Variants in SEMA3A observed in about 807,000 individuals in gnomAD.
SEMA3A encodes the protein semaphorin-3A.
In SEMA3A, 29 loss-of-function variants were observed where a neutral mutation model predicts 97.9. That is an observed-to-expected ratio of 0.30 (90% confidence interval 0.22 to 0.40). The LOEUF (loss-of-function observed/expected upper bound fraction) is 0.40. Ranked by LOEUF, SEMA3A falls within the 10% of genes least tolerant of loss-of-function variation. The pLI, the probability that SEMA3A is intolerant of heterozygous loss-of-function variation, is 1.00. For synonymous variants in SEMA3A, 321 were observed against 323.7 expected (o/e 0.99, Z 0.09); for missense variants, 763 against 951.3 (o/e 0.80, Z 2.60).
At chr7:84,424,500 TAA>T (rs1156610688) in intron 1 of SEMA3A, among the ~76,000 whole-genome samples, 3 of 101,660 alleles carry the variant, frequency 3.0e-5, no homozygotes, top group African/African-American at 1.3e-4. Context: ...ATATAATATA[TAA>T]TATATAAATA....
intron 3 of SEMA3A, among the ~76,000 whole-genome samples, chr7:84,238,574 A>C (rs1799288837): frequency 6.6e-6 from 1 of 152,188 alleles, no homozygotes. Flanking sequence ...TAATTTTTAC[A>C]AGTAAATATA....
At position 84,062,835 on chromosome 7, in the gene SEMA3A, G is replaced by C. The variant is rs1382989090; in HGVS notation, c.454-2277C>G. Among the ~76,000 whole-genome samples the C allele has an allele frequency of 2.1e-5, 3 of 142,536 alleles. No individual in the cohort carries two copies. The East Asian group carries it at 6.4e-4, about 30-fold the overall frequency. 93.5% of individuals were successfully genotyped at this position (142,536 alleles called of 152,430 possible). A position where few individuals can be genotyped will look rare whatever the true frequency, so the allele number is the denominator to read the frequency against. On this transcript the variant is annotated intron_variant, in intron 4 of 16. Coordinates refer to ENST00000265362, the MANE Select transcript of SEMA3A (RefSeq NM_006080.3). ...GATCAAACTACAAGGCCGCAGCGAG[G>C]CGGGGGGAGGGGCGTCCGCCATTGC... is the stretch of plus-strand genomic sequence containing the variant.
At chr7:84,241,421 T>C (rs1799362374) in intron 3 of SEMA3A, among the ~76,000 whole-genome samples, 1 of 152,230 alleles carries the variant, frequency 6.6e-6, no homozygotes, top group Non-Finnish European at 1.5e-5. Context: ...AAGTGTCTGC[T>C]CATATCCTTG....
chr7:84,069,483 C>T lies in SEMA3A; in HGVS notation c.454-8925G>A, dbSNP rs191149067. Among the ~76,000 whole-genome samples, 506 of 152,130 alleles carry T rather than the reference C, an allele frequency of 3.3e-3. 4 individuals carry two copies. The highest frequency in any genetic ancestry group is 0.031 in the Middle Eastern group (9 of 294). On this transcript the variant is annotated intron_variant, in intron 4 of 16. Transcript: ENST00000265362. Reference sequence around the variant, plus strand: ...AATATCTTATGTCACAGTAGAAATGCCAGCCTATATTTTTATCAGGCAAAA... The same window carrying T: ...AATATCTTATGTCACAGTAGAAATGTCAGCCTATATTTTTATCAGGCAAAA...
chr7:84,362,931 G>C (rs1055621657), intron 2 of SEMA3A, among the ~76,000 whole-genome samples: 8 of 151,918 alleles, frequency 5.3e-5, no homozygotes, highest in Non-Finnish European at 1.0e-4. Flanking sequence ...ATTGATCCAA[G>C]TTTGGAAATA....
At chr7:84,279,625 G>C (rs543649415) in intron 3 of SEMA3A, among the ~76,000 whole-genome samples, 1 of 152,256 alleles carries the variant, frequency 6.6e-6, no homozygotes, top group Admixed American at 6.5e-5. Flanking sequence ...GGTTATGTGG[G>C]AGTTCGTTTT....
At chr7:83,983,112 A>G (rs1276406343) in intron 13 of SEMA3A, among the ~76,000 whole-genome samples, 1 of 152,102 alleles carries the variant, frequency 6.6e-6, no homozygotes, top group East Asian at 1.9e-4. Context: ...ATAAACCAGG[A>G]CAAATTAAGA....
chr7:84,027,060 T>C (rs1233819646), intron 6 of SEMA3A, among the ~76,000 whole-genome samples: 1 of 152,036 alleles, frequency 6.6e-6, no homozygotes, highest in Non-Finnish European at 1.5e-5. Context: ...AAATGGACCA[T>C]TGCTTTAAAT....
At chr7:84,447,212 G>A (rs944806210) in intron 1 of SEMA3A, among the ~76,000 whole-genome samples, 1 of 152,174 alleles carries the variant, frequency 6.6e-6, no homozygotes, top group Non-Finnish European at 1.5e-5. Context: ...TGGGAGGCGC[G>A]ACCAATGGGA....
chr7:83,961,290 G>T lies in SEMA3A; in HGVS notation c.*81C>A. The T allele has an allele frequency of 9.0e-7, 1 of 1,111,214 alleles. No homozygotes were observed. Among genetic ancestry groups the T allele is most frequent in the Non-Finnish European group, 1.4e-6 (1 of 736,320 alleles). The allele number at this position is 1,111,214 out of a possible 1,614,324, so 68.8% of individuals were successfully genotyped here. On this transcript the variant is annotated 3_prime_UTR_variant, in exon 17 of 17. Coordinates refer to ENST00000265362, the MANE Select transcript of SEMA3A (RefSeq NM_006080.3). The stretch of plus-strand genomic sequence containing the variant: ...ACATCCACATAATGCCATGAAAAAA[G>T]TTCATGTATATTGCATTTGTTTTTC...
rs113235478 is a variant in SEMA3A, at chr7:84,315,550, A to G, written c.-168-8258T>C. Among the ~76,000 whole-genome samples, 6 of 152,304 alleles carry G rather than the reference A, an allele frequency of 3.9e-5. 1 individual carries two copies. The highest frequency in any genetic ancestry group is 1.4e-4 in the African/African-American group (6 of 41,574). On this transcript the variant is annotated intron_variant, in intron 2 of 3. Coordinates refer to the SEMA3A transcript ENST00000424555. ...TTATCTCTTTCTAAACTAATTATGT[A>G]AGAAATCTTTGGTGACTTAAATCTT...
intron 3 of SEMA3A, among the ~76,000 whole-genome samples, chr7:84,236,362 A>C (rs1257834665): frequency 2.6e-5 from 4 of 152,086 alleles, no homozygotes; most frequent in Non-Finnish European, 5.9e-5. Flanking sequence ...AATCACTTCT[A>C]TCCTAGATAT....
At chr7:84,468,312 C>G (rs745467337) in intron 1 of SEMA3A, among the ~76,000 whole-genome samples, 23 of 152,176 alleles carry the variant, frequency 1.5e-4, no homozygotes, top group Non-Finnish European at 2.8e-4. Context: ...TAAGACCTAG[C>G]AGATGTGACC....
intron 2 of SEMA3A, among the ~76,000 whole-genome samples, chr7:84,331,923 T>G (rs1801919753): frequency 6.6e-6 from 1 of 152,162 alleles, no homozygotes; most frequent in Non-Finnish European, 1.5e-5. Flanking sequence ...GGTATTTCCC[T>G]TTTATTAATG....
Position 83,955,908 on chromosome 7 carries a change from A to G in SEMA3A, c.*5463T>C, listed in dbSNP as rs1190549369. ...AACACATCTATAAAAACTTTTGCTT[A>G]GGTCCTATATAAATAAACATTGTAT... On this transcript the variant is annotated 3_prime_UTR_variant, in exon 17 of 17. Transcript: ENST00000265362. The G allele has an allele frequency of 6.6e-6, 1 of 152,182 alleles. No individual in the cohort carries two copies. The highest frequency in any genetic ancestry group is 2.4e-5 in the African/African-American group (1 of 41,458). The allele number at this position is 152,182 out of a possible 1,614,324, so 9.4% of individuals were successfully genotyped here.
chr7:84,101,852 T>A (rs1054710542), intron 4 of SEMA3A, among the ~76,000 whole-genome samples: 1 of 152,044 alleles, frequency 6.6e-6, no homozygotes, highest in African/African-American at 2.4e-5. Context: ...CTAAATTTAG[T>A]TGAGCTCTAA....
chr7:84,366,749 C>T (rs1802857524), intron 2 of SEMA3A, among the ~76,000 whole-genome samples: 1 of 151,348 alleles, frequency 6.6e-6, no homozygotes, highest in South Asian at 2.1e-4. Context: ...AAAGGCCTTT[C>T]TGTGCAACAA....
At chr7:84,474,874 T>G (rs914181191) in intron 1 of SEMA3A, among the ~76,000 whole-genome samples, 2 of 151,966 alleles carry the variant, frequency 1.3e-5, no homozygotes, top group African/African-American at 4.8e-5. Context: ...TCTCTCTATT[T>G]TAGGGGATCA....
At chr7:84,448,811 G>T (rs1038087783) in intron 1 of SEMA3A, among the ~76,000 whole-genome samples, 1 of 151,550 alleles carries the variant, frequency 6.6e-6, no homozygotes, top group Non-Finnish European at 1.5e-5. Context: ...TCTAACATGT[G>T]CATGAAAGCA....
Sources: allele counts gnomAD v4.1 joint callset (sites outside exome capture counted in the v4.1 genomes callset), GRCh38; gene constraint gnomAD v4.1.1; transcripts MANE v1.5; gene names NCBI Gene and HGNC (gene_info 2026-07-23, HGNC 2026-07-21).